The following CLCA4 variants were observed in gnomAD, a reference collection of about 807,000 sequenced individuals.
The protein encoded by CLCA4 is chloride channel accessory 4, also known as calcium-activated chloride channel regulator 4.
CLCA4 carries 69 observed loss-of-function variants against 78.9 expected under a neutral mutation model. The observed-to-expected ratio is 0.87, with a 90% confidence interval of 0.72 to 1.07. CLCA4 has a LOEUF of 1.07. Ranked by LOEUF, CLCA4 falls within the 50% of genes least tolerant of loss-of-function variation. The pLI is 0.00. For synonymous variants in CLCA4, 362 were observed against 375.8 expected (o/e 0.96, Z 0.42); for missense variants, 1,133 against 1,095.8 (o/e 1.03, Z -0.48).
intron 7 of CLCA4, among the ~76,000 whole-genome samples, chr1:86,568,113 A>G (rs1650253162): frequency 6.6e-6 from 1 of 151,952 alleles, no homozygotes; most frequent in South Asian, 2.1e-4. Context: ...ACTGTGAGTC[A>G]TATTTAGGGT....
rs1174421600 is a variant in CLCA4, at chr1:86,547,123, G to T, written c.4G>T (p.Gly2Trp). Residue 2 changes from glycine (G) to tryptophan (W), a missense_variant, in exon 1 of 14, where the codon GGG becomes TGG. Transcript: ENST00000370563. M[G>W]LFRGFVFLLV... ...CAGGAATAACTAGAGAGGAACAATG[G>T]GGTTATTCAGAGGTTTTGTTTTCCT... The T allele has an allele frequency of 1.2e-6, 2 of 1,602,150 alleles. No individual in the cohort carries two copies. Among genetic ancestry groups the T allele is most frequent in the Non-Finnish European group, 1.7e-6 (2 of 1,177,114 alleles).
intron 9 of CLCA4, 57 bp downstream of exon 9, chr1:86,572,777 T>C (rs754479956): frequency 7.0e-6 from 7 of 996,980 alleles, no homozygotes; most frequent in African/African-American, 4.8e-5. Context: ...GAAAAAACCA[T>C]TTGGTGGTTA....
chr1:86,565,356 T>G lies in CLCA4; in HGVS notation c.640T>G (p.Ser214Ala). 6.8e-6 allele frequency: 11 copies of G among 1,609,432 alleles called. No individual in the cohort carries two copies. Among genetic ancestry groups the G allele is most frequent in the Non-Finnish European group, 8.5e-6 (10 of 1,176,348 alleles). The change falls in exon 5 of 14, where the codon TCT (serine) becomes GCT (alanine). Residue 214 changes from serine (S) to alanine (A), a missense_variant. Coordinates refer to ENST00000370563, the MANE Select transcript of CLCA4 (RefSeq NM_012128.4). ...SCLSRACRIDSTTKLYGKDCQ... is the reference protein window; with the variant it reads ...SCLSRACRIDATTKLYGKDCQ... ...TCTTAGTAGAGCATGCAGAATTGAT[T>G]CTACAACAAAACTGTATGGAAAAGA...
chr1:86,578,009 GC>G lies in CLCA4; in HGVS notation c.2061del (p.Arg688GlyfsTer2). 3.7e-6 allele frequency: 6 copies of G among 1,612,796 alleles called. No homozygotes were observed. Among genetic ancestry groups the G allele is most frequent in the Non-Finnish European group, 5.1e-6 (6 of 1,179,340 alleles). ...TCGGGCTCATGGAGGAGCAAACACT[GC>G]CAGGCTAAAATTACGGCCTCCACTG... ...KVRAHGGANT[A>X]RLKLRPPLNR... On this transcript the variant is annotated frameshift_variant, in exon 12 of 14. Coordinates refer to ENST00000370563, the MANE Select transcript of CLCA4 (RefSeq NM_012128.4). LOFTEE classifies it high-confidence loss of function.
intron 9 of CLCA4, among the ~76,000 whole-genome samples, chr1:86,574,268 G>C (rs961508352): frequency 1.3e-5 from 2 of 151,954 alleles, no homozygotes; most frequent in Admixed American, 6.6e-5. Context: ...ATCCATGAAT[G>C]CTTGCCAAGA....
chr1:86,547,284 A>G lies in CLCA4; in HGVS notation c.159+6A>G. On this transcript the variant is annotated splice_donor_region_variant and intron_variant, in intron 1 of 13. Coordinates refer to ENST00000370563, the MANE Select transcript of CLCA4 (RefSeq NM_012128.4). ...AAATAATTGAACAAATAGAGGTAAG[A>G]ACAAAATGGAATATCTTTCATTAAT... The G allele has an allele frequency of 6.4e-7, 1 of 1,558,764 alleles. No homozygotes were observed. Among genetic ancestry groups the G allele is most frequent in the Non-Finnish European group, 8.7e-7 (1 of 1,155,648 alleles).
chr1:86,579,075 T>C (rs1650620631), intron 12 of CLCA4, among the ~76,000 whole-genome samples: 1 of 152,000 alleles, frequency 6.6e-6, no homozygotes, highest in South Asian at 2.1e-4. Flanking sequence ...GGTAAAGCAA[T>C]TCCTTTTTTA....
chr1:86,551,244 A>G (rs56085229), intron 1 of CLCA4, among the ~76,000 whole-genome samples: 2,070 of 152,106 alleles, frequency 0.014, 27 homozygotes, highest in Middle Eastern at 0.048. Flanking sequence ...TTTTTATTTC[A>G]ATTCTTGCTT....
In CLCA4 at chr1:86,567,617, C is replaced by T. The variant is rs1457155623; in HGVS notation, c.1148C>T (p.Thr383Ile). ...TTACCTACATATCCTCTGGGAGGAA[C>T]TTCCATCTGCTCTGGAATTAAATAT... Reference protein sequence around the residue: ...AGLPTYPLGGTSICSGIKYAF... With the variant: ...AGLPTYPLGGISICSGIKYAF... The change falls in exon 7 of 14, where the codon ACT becomes ATT. Residue 383 changes from threonine (T) to isoleucine (I), a missense_variant. Thr to Ile is a moderately conservative substitution (Grantham distance 89). Coordinates refer to ENST00000370563, the MANE Select transcript of CLCA4 (RefSeq NM_012128.4). The T allele has an allele frequency of 5.6e-6, 9 of 1,612,404 alleles. No homozygotes were observed. Among genetic ancestry groups the T allele is most frequent in the East Asian group, 2.2e-5 (1 of 44,852 alleles).
chr1:86,567,798 C>A, intron 7 of CLCA4, 147 bp downstream of exon 7: 1 of 641,852 alleles, frequency 1.6e-6, no homozygotes, highest in Non-Finnish European at 2.6e-6. Context: ...GAAAAAAGTT[C>A]TCTTGATGTT....
chr1:86,567,599 C>T lies in CLCA4; in HGVS notation c.1130C>T (p.Thr377Ile). 1 of 1,613,170 alleles carries T rather than the reference C, an allele frequency of 6.2e-7. No homozygotes were observed. Among genetic ancestry groups the T allele is most frequent in the Non-Finnish European group, 8.5e-7 (1 of 1,179,356 alleles). ...ERNTLMAGLP[T>I]YPLGGTSICS... ...AACACACTCATGGCAGGATTACCTA[C>T]ATATCCTCTGGGAGGAACTTCCATC... Residue 377 changes from threonine (T) to isoleucine (I), a missense_variant, in exon 7 of 14, where the codon ACA becomes ATA. Transcript: ENST00000370563.
rs1434207908 is a variant in CLCA4, at chr1:86,553,481, G to A, written c.159+6203G>A. On this transcript the variant is annotated intron_variant, in intron 1 of 13. Coordinates refer to ENST00000370563, the MANE Select transcript of CLCA4 (RefSeq NM_012128.4). ...TTGTCACGACGATCCTGTCCGACCC[G>A]CGAGTCTGCCCGCTGGGTCCTCTGC... 4 of 322,562 alleles carry A rather than the reference G, an allele frequency of 1.2e-5. No homozygotes were observed. The South Asian group carries it at 2.9e-4, about 23-fold the overall frequency. 20.0% of individuals were successfully genotyped at this position (322,562 alleles called of 1,614,324 possible).
chr1:86,566,154 T>A, intron 6 of CLCA4, 134 bp downstream of exon 6: 3 of 599,294 alleles, frequency 5.0e-6, no homozygotes, highest in Non-Finnish European at 8.0e-6. Context: ...GATCATGACT[T>A]CAAGATACTG....
chr1:86,574,793 TA>T (rs1558197655), intron 10 of CLCA4, 38 bp downstream of exon 10: 2 of 1,445,366 alleles, frequency 1.4e-6, no homozygotes, highest in Non-Finnish European at 1.9e-6. Context: ...TCAACATTTT[TA>T]AAAAACTGAA....
chr1:86,559,427 C>A (rs563980728), intron 1 of CLCA4, among the ~76,000 whole-genome samples: 3 of 152,118 alleles, frequency 2.0e-5, no homozygotes, highest in South Asian at 4.1e-4. Context: ...CTGTTTTCTA[C>A]GAAGATTTCT....
intron 1 of CLCA4, chr1:86,553,408 A>T (rs1437382582): frequency 8.9e-6 from 4 of 448,300 alleles, no homozygotes; most frequent in African/African-American, 6.2e-5. Flanking sequence ...AGGCCACAGA[A>T]GAGGCGAGGC....
At chr1:86,554,583 T>A (rs1337940615) in intron 1 of CLCA4, among the ~76,000 whole-genome samples, 2 of 152,182 alleles carry the variant, frequency 1.3e-5, no homozygotes, top group African/African-American at 4.8e-5. Flanking sequence ...CAATTTTTAA[T>A]CCAATCTGTT....
chr1:86,559,205 T>A (rs1274032362), intron 1 of CLCA4, among the ~76,000 whole-genome samples: 1 of 152,184 alleles, frequency 6.6e-6, no homozygotes, highest in Non-Finnish European at 1.5e-5. Context: ...TATGTGAGTT[T>A]ATAGTTCTGA....
chr1:86,580,386 G>C lies in CLCA4; in HGVS notation c.*41G>C, dbSNP rs1174047652. 1 of 1,443,930 alleles carries C rather than the reference G, an allele frequency of 6.9e-7. No homozygotes were observed. The highest frequency in any genetic ancestry group is 9.2e-7 in the Non-Finnish European group (1 of 1,084,352). The allele number at this position is 1,443,930 out of a possible 1,614,324, so 89.4% of individuals were successfully genotyped here. On this transcript the variant is annotated 3_prime_UTR_variant, in exon 14 of 14. Transcript: ENST00000370563. Reference sequence around the variant, plus strand: ...AAAATCTTCAAGTAGACCTAGAAGAGAGTTTTAAAAAACAAAACAATGTAA... The same window carrying C: ...AAAATCTTCAAGTAGACCTAGAAGACAGTTTTAAAAAACAAAACAATGTAA...
Sources: allele counts gnomAD v4.1 joint callset (sites outside exome capture counted in the v4.1 genomes callset), GRCh38; gene constraint gnomAD v4.1.1; transcripts MANE v1.5; gene names NCBI Gene and HGNC (gene_info 2026-07-23, HGNC 2026-07-21).